Variants in TUT7 observed in about 807,000 individuals in gnomAD.
The protein encoded by TUT7 is terminal uridylyltransferase 7.
Under a neutral mutation model 165.9 loss-of-function variants are expected in TUT7, and 33 were observed. The observed-to-expected ratio is 0.20, with a 90% CI of 0.15 to 0.27. The LOEUF (loss-of-function observed/expected upper bound fraction) is 0.27, where lower values mean the gene tolerates loss of function less well. Among genes scored for constraint, TUT7 ranks in the 10% least tolerant of loss-of-function variants. The pLI is 1.00. For synonymous variants in TUT7, 552 were observed against 608.1 expected (o/e 0.91, Z 1.36); for missense variants, 1,338 against 1,762.3 (o/e 0.76, Z 4.31).
At chr9:86,339,231 T>C (rs1195386540) in intron 8 of TUT7, among the ~76,000 whole-genome samples, 1 of 152,176 alleles carries the variant, frequency 6.6e-6, no homozygotes, top group African/African-American at 2.4e-5. Context: ...AGGAAAATAT[T>C]ATCAAATGTT....
At chr9:86,305,280 G>GA (rs1422818339) in intron 22 of TUT7, 41 bp from the exon 23 acceptor site, 1 of 1,344,856 alleles carries the variant, frequency 7.4e-7, no homozygotes, top group South Asian at 1.4e-5. Flanking sequence ...TAATCAAATA[G>GA]AAAATGCCAC....
In TUT7 at chr9:86,304,885, C is replaced by T. The variant is rs763640710; in HGVS notation, c.3949G>A (p.Gly1317Arg). The stretch of plus-strand genomic sequence containing the variant: ...TTTGAGGGGTAGTCCTTTGGAAATC[C>T]CTTGACAGGAATACCAAATACTCTT... ...GRRVFGIPVK[G>R]FPKDYPSKME... The change falls in exon 24 of 27, where the codon GGA becomes AGA. Residue 1317 changes from glycine to arginine, a missense_variant. This residue lies in a region of TUT7 where 157 missense variants were observed against 357.5 expected (regional missense o/e 0.44). Transcript: ENST00000375963. 1 of 1,610,078 alleles carries T rather than the reference C, an allele frequency of 6.2e-7. No individual in the cohort carries two copies.
At chr9:86,322,751 G>T in intron 13 of TUT7, 122 bp downstream of exon 13, 1 of 1,195,814 alleles carries the variant, frequency 8.4e-7, no homozygotes, top group Non-Finnish European at 1.1e-6. Flanking sequence ...ATATCAGAAT[G>T]AAAGGCCAAC....
chr9:86,303,137 C>T lies in TUT7; in HGVS notation c.4043G>A (p.Arg1348Gln). 6.2e-7 allele frequency: 1 copy of T among 1,610,848 alleles called. No homozygotes were observed. Among genetic ancestry groups the T allele is most frequent in the Non-Finnish European group, 8.5e-7 (1 of 1,178,454 alleles). The change falls in exon 25 of 27, where the codon CGA becomes CAA. Residue 1348 changes from arginine to glutamine, a missense_variant. Arg to Gln is a conservative substitution (Grantham distance 43, BLOSUM62 1). Coordinates refer to ENST00000375963, the MANE Select transcript of TUT7 (RefSeq NM_024617.4). ...GAAGTGTCCGATTTTTCCACAAATT[C>T]GACAACATCTATCATTTGGGGCCAG... Reference protein sequence around the residue: ...GELAPNDRCCRICGKIGHFMK... With the variant: ...GELAPNDRCCQICGKIGHFMK...
At chr9:86,334,230 A>G (rs759317558) in intron 10 of TUT7, among the ~76,000 whole-genome samples, 32 of 152,282 alleles carry the variant, frequency 2.1e-4, no homozygotes, top group Non-Finnish European at 2.6e-4. Context: ...TTCAATAATT[A>G]AAGAATGCTC....
At chr9:86,341,601 T>C (rs1426176398) in intron 6 of TUT7, among the ~76,000 whole-genome samples, 1 of 152,210 alleles carries the variant, frequency 6.6e-6, no homozygotes, top group Admixed American at 6.5e-5. Flanking sequence ...CCTAATCTCC[T>C]GCTCTTCTTT....
chr9:86,307,349 C>A (rs925098194), intron 22 of TUT7, among the ~76,000 whole-genome samples: 1 of 151,768 alleles, frequency 6.6e-6, no homozygotes, highest in Non-Finnish European at 1.5e-5. Context: ...CGTAGTAAGT[C>A]AAAAATTCTA....
At chr9:86,344,081 C>A (rs933569790) in intron 5 of TUT7, among the ~76,000 whole-genome samples, 2 of 152,048 alleles carry the variant, frequency 1.3e-5, no homozygotes, top group Non-Finnish European at 2.9e-5. Context: ...AAAGTATATG[C>A]GTTACAAATA....
At chr9:86,320,257 CAA>C (rs10656642) in intron 14 of TUT7, among the ~76,000 whole-genome samples, 11 of 112,312 alleles carry the variant, frequency 9.8e-5, no homozygotes, top group Admixed American at 9.3e-5. Flanking sequence ...AAAAATTTCC[CAA>C]AAAAAAAAAA....
intron 2 of TUT7, among the ~76,000 whole-genome samples, chr9:86,351,133 A>T (rs892109398): frequency 1.1e-4 from 3 of 27,798 alleles, no homozygotes; most frequent in African/African-American, 3.9e-4. Context: ...AGACTGTCTC[A>T]AAAAAAAAAA....
chr9:86,343,480 A>G (rs1271904860), intron 5 of TUT7, among the ~76,000 whole-genome samples: 1 of 152,224 alleles, frequency 6.6e-6, no homozygotes, highest in African/African-American at 2.4e-5. Context: ...TTTATGAAGA[A>G]AATACTATTT....
At chr9:86,344,241 C>T (rs1209727645) in intron 5 of TUT7, among the ~76,000 whole-genome samples, 1 of 151,870 alleles carries the variant, frequency 6.6e-6, no homozygotes, top group Non-Finnish European at 1.5e-5. Flanking sequence ...AATTCTGATG[C>T]ACAGCAAGAA....
At position 86,323,667 on chromosome 9, in the gene TUT7, G is replaced by A. The variant is rs1232307502; in HGVS notation, c.2083C>T (p.Leu695Phe). The A allele has an allele frequency of 6.2e-7, 1 of 1,614,202 alleles. No homozygotes were observed. ...SAANTCKVQP[L>F]TLKETAESFG... ...CTTTCAGCAGTCTCTTTAAGAGTAAGTGGCTGTACCTTACAGGTATTTGCA... is the reference window on the plus strand; with the variant it reads ...CTTTCAGCAGTCTCTTTAAGAGTAAATGGCTGTACCTTACAGGTATTTGCA... The change falls in exon 13 of 27, where the codon CTT (leucine) becomes TTT (phenylalanine). Residue 695 changes from leucine to phenylalanine, a missense_variant. Leu to Phe is a conservative substitution (Grantham distance 22). Transcript: ENST00000375963.
intron 24 of TUT7, among the ~76,000 whole-genome samples, chr9:86,303,518 A>G (rs148786773): frequency 1.6e-4 from 25 of 152,338 alleles, no homozygotes; most frequent in African/African-American, 5.8e-4. Flanking sequence ...AGTTGAGGCC[A>G]GGTACACAGG....
intron 11 of TUT7, among the ~76,000 whole-genome samples, 164 bp downstream of exon 11, chr9:86,328,176 T>C (rs1435333072): frequency 2.0e-5 from 3 of 152,228 alleles, no homozygotes; most frequent in Admixed American, 6.5e-5. Flanking sequence ...TAATATTTTT[T>C]TTAACCTTTT....
chr9:86,351,700 G>C (rs1477521413), intron 2 of TUT7, among the ~76,000 whole-genome samples: 1 of 152,094 alleles, frequency 6.6e-6, no homozygotes, highest in South Asian at 2.1e-4. Flanking sequence ...AAAAGGCATC[G>C]GGTGATCTAG....
intron 26 of TUT7, among the ~76,000 whole-genome samples, chr9:86,299,218 G>A (rs1345544829): frequency 3.3e-5 from 5 of 152,148 alleles, no homozygotes; most frequent in Admixed American, 1.3e-4. Flanking sequence ...TAAACCAGTT[G>A]GTTTCAATGG....
intron 7 of TUT7, 88 bp downstream of exon 7, chr9:86,340,914 T>G: frequency 1.0e-6 from 1 of 992,564 alleles, no homozygotes. Flanking sequence ...TTTAAAAGCA[T>G]GCCTTGCTAT....
chr9:86,325,949 T>C (rs549904702), intron 11 of TUT7, among the ~76,000 whole-genome samples: 1 of 152,276 alleles, frequency 6.6e-6, no homozygotes, highest in South Asian at 2.1e-4. Flanking sequence ...AAAACACTCC[T>C]CTCACTGCCC....
Sources: allele counts gnomAD v4.1 joint callset (sites outside exome capture counted in the v4.1 genomes callset), GRCh38; gene constraint gnomAD v4.1.1; regional missense constraint gnomAD v4.1.1; transcripts MANE v1.5; gene names NCBI Gene and HGNC (gene_info 2026-07-23, HGNC 2026-07-21).